TBC1D19: variants seen among roughly 807,000 people sequenced by gnomAD.
The protein encoded by TBC1D19 is TBC1 domain family member 19, also known as TBC1 domain family, member 19.
Under a neutral mutation model 89.0 loss-of-function variants are expected in TBC1D19, and 60 were observed. The observed-to-expected ratio is 0.67, with a 90% confidence interval of 0.55 to 0.84. TBC1D19 has a LOEUF of 0.84. Ranked by LOEUF, TBC1D19 falls within the 40% of genes least tolerant of loss-of-function variation. TBC1D19 has a pLI of 0.00. For synonymous variants in TBC1D19, 189 were observed against 199.7 expected (o/e 0.95, Z 0.45); for missense variants, 500 against 610.8 (o/e 0.82, Z 1.91).
downstream of TBC1D19, among the ~76,000 whole-genome samples, chr4:26,761,085 A>C (rs1719444338): frequency 6.6e-6 from 1 of 152,194 alleles, no homozygotes; most frequent in African/African-American, 2.4e-5. Flanking sequence ...TAATTTCAAT[A>C]TTGCACTCTC....
At chr4:26,750,587 G>T (rs542326157) in intron 19 of TBC1D19, among the ~76,000 whole-genome samples, 3 of 152,234 alleles carry the variant, frequency 2.0e-5, no homozygotes, top group East Asian at 1.9e-4. Flanking sequence ...TACTGTATTT[G>T]CTGTAAGCCA....
At chr4:26,679,221 A>G (rs1713113469) in intron 11 of TBC1D19, among the ~76,000 whole-genome samples, 1 of 152,132 alleles carries the variant, frequency 6.6e-6, no homozygotes, top group East Asian at 1.9e-4. Context: ...TTAGGAGGGA[A>G]AAATGGTTTC....
intron 3 of TBC1D19, among the ~76,000 whole-genome samples, chr4:26,619,441 G>A (rs983265612): frequency 6.6e-6 from 1 of 151,992 alleles, no homozygotes. Context: ...TCCTGACCTC[G>A]TGATCCACCC....
At chr4:26,676,977 A>G (rs1378345350) in intron 11 of TBC1D19, among the ~76,000 whole-genome samples, 1 of 152,066 alleles carries the variant, frequency 6.6e-6, no homozygotes, top group African/African-American at 2.4e-5. Flanking sequence ...CCTTCTTCTC[A>G]GATCTCTCTT....
chr4:26,744,637 G>A (rs949309511), intron 18 of TBC1D19, among the ~76,000 whole-genome samples: 1 of 151,898 alleles, frequency 6.6e-6, no homozygotes, highest in East Asian at 1.9e-4. Flanking sequence ...CTTTGAATAT[G>A]GGTTATGTAA....
chr4:26,584,355 C>T, intron 1 of TBC1D19, 63 bp downstream of exon 1: 2 of 1,469,954 alleles, frequency 1.4e-6, no homozygotes, highest in Non-Finnish European at 1.9e-6. Flanking sequence ...CTCTTCTTCA[C>T]CCTCCTCACC....
chr4:26,739,927 A>T lies in TBC1D19; in HGVS notation c.1181A>T (p.Tyr394Phe). Reference protein sequence around the residue: ...SKLYQIFREMYVRFFFRLHSI... With the variant: ...SKLYQIFREMFVRFFFRLHSI... ...TTGTATCAGATATTCCGTGAGATGT[A>T]TGTGCGTTTTTTCTTCAGACTCCAT... The change falls in exon 17 of 21, where the codon TAT becomes TTT. Residue 394 changes from tyrosine to phenylalanine, a missense_variant. Transcript: ENST00000264866. 6.3e-7 allele frequency: 1 copy of T among 1,597,934 alleles called. No homozygotes were observed. The highest frequency in any genetic ancestry group is 8.5e-7 in the Non-Finnish European group (1 of 1,173,234).
At chr4:26,655,580 C>T (rs1225196857) in intron 7 of TBC1D19, among the ~76,000 whole-genome samples, 1 of 152,200 alleles carries the variant, frequency 6.6e-6, no homozygotes, top group African/African-American at 2.4e-5. Context: ...GGCACGCGCC[C>T]CTCTCCCAGC....
chr4:26,582,331 C>T (rs184680000), upstream of TBC1D19, among the ~76,000 whole-genome samples: 18 of 152,208 alleles, frequency 1.2e-4, no homozygotes, highest in Admixed American at 3.9e-4. Flanking sequence ...GAGACTCATG[C>T]AATTCCCAGG....
chr4:26,739,414 A>G (rs527477469), intron 16 of TBC1D19, among the ~76,000 whole-genome samples: 105 of 152,340 alleles, frequency 6.9e-4, no homozygotes, highest in African/African-American at 2.5e-3. Context: ...AAAGTCATAA[A>G]TCATCTGTTT....
the TBC1D19 span, among the ~76,000 whole-genome samples, chr4:26,851,307 A>ATCTATCTATCTGTCTGTCTGTCTGTCTG: frequency 6.6e-5 from 3 of 45,462 alleles, no homozygotes; most frequent in African/African-American, 2.1e-4. Context: ...TAAATACCCT[A>ATCTATCTATCTGTCTGTCTGTCTGTCTG]TCTATCTATC....
At chr4:26,686,578 T>C (rs1330243605) in intron 12 of TBC1D19, among the ~76,000 whole-genome samples, 1 of 152,060 alleles carries the variant, frequency 6.6e-6, no homozygotes, top group Non-Finnish European at 1.5e-5. Flanking sequence ...AAAAAGTAAA[T>C]AACAAAAAAT....
Position 26,677,612 on chromosome 4 carries a change from G to T in TBC1D19, c.816+3724G>T, listed in dbSNP as rs922891396. Among the ~76,000 whole-genome samples the T allele has an allele frequency of 3.3e-5, 5 of 152,166 alleles. No homozygotes were observed. In the South Asian group the frequency reaches 6.2e-4, roughly 19 times the overall value. On this transcript the variant is annotated intron_variant, in intron 11 of 20. Transcript: ENST00000264866. Reference sequence around the variant, plus strand: ...CTGCTTTTTTAAACACTGAAATCTGGTGATATGGTTTGGCTGTGTCCCCAC... The same window carrying T: ...CTGCTTTTTTAAACACTGAAATCTGTTGATATGGTTTGGCTGTGTCCCCAC...
chr4:26,837,881 A>C, the TBC1D19 span, among the ~76,000 whole-genome samples: 2 of 152,320 alleles, frequency 1.3e-5, no homozygotes. Context: ...TTGGTGCTAC[A>C]TAAGCCCAGA....
At chr4:26,826,455 AG>A in the TBC1D19 span, among the ~76,000 whole-genome samples, 2 of 150,892 alleles carry the variant, frequency 1.3e-5, no homozygotes, top group African/African-American at 5.0e-5. Context: ...CATTATTTAG[AG>A]GGGGGAAAAA....
chr4:26,672,347 A>G (rs1042405893), intron 10 of TBC1D19, among the ~76,000 whole-genome samples, 160 bp downstream of exon 10: 2 of 151,996 alleles, frequency 1.3e-5, no homozygotes, highest in East Asian at 1.9e-4. Flanking sequence ...GAGAATCTTT[A>G]TAAGTAGGGA....
intron 13 of TBC1D19, among the ~76,000 whole-genome samples, chr4:26,713,429 A>G (rs765532212): frequency 1.1e-4 from 17 of 152,166 alleles, no homozygotes; most frequent in South Asian, 2.1e-4. Context: ...ATGTAAGTTA[A>G]TGTTACTCAT....
intron 12 of TBC1D19, among the ~76,000 whole-genome samples, chr4:26,684,680 AATTTAG>A (rs758360310): frequency 6.6e-6 from 1 of 152,202 alleles, no homozygotes; most frequent in Non-Finnish European, 1.5e-5. Context: ...TTAGATTTAA[AATTTAG>A]ATTTGAAATA....
In TBC1D19 at chr4:26,739,893, C is replaced by T. The variant is rs375128598; in HGVS notation, c.1147C>T (p.Pro383Ser). ...VAPLCFLYHE[P>S]SKLYQIFREM... is the part of the protein sequence containing the mutation. ...ACCACTTTGTTTTCTATACCATGAACCTTCCAAATTGTATCAGATATTCCG... is the reference window on the plus strand; with the variant it reads ...ACCACTTTGTTTTCTATACCATGAATCTTCCAAATTGTATCAGATATTCCG... The change falls in exon 17 of 21, where the codon CCT becomes TCT. Residue 383 changes from proline to serine, a missense_variant. Physicochemically the swap from Pro to Ser is moderately conservative, Grantham distance 74. Around this residue, in one of 2 missense-constraint regions of TBC1D19, gnomAD observed 220 missense variants for 319.1 expected, o/e 0.69. Coordinates refer to ENST00000264866, the MANE Select transcript of TBC1D19 (RefSeq NM_018317.4). 5 of 1,593,680 alleles carry T rather than the reference C, an allele frequency of 3.1e-6. No individual in the cohort carries two copies. The highest frequency in any genetic ancestry group is 4.3e-6 in the Non-Finnish European group (5 of 1,171,138).
Sources: gnomAD v4.1 joint callset for allele counts (sites outside exome capture counted in the v4.1 genomes callset) on GRCh38, gnomAD v4.1.1 for gene constraint, gnomAD v4.1.1 regional missense constraint, MANE v1.5 for transcripts, NCBI Gene and HGNC (gene_info 2026-07-23, HGNC 2026-07-21) for gene names.